The following SNX14 variants were observed in gnomAD, a reference collection of about 807,000 sequenced individuals.
The protein encoded by SNX14 is sorting nexin-14.
A neutral mutation model predicts 133.8 loss-of-function variants in SNX14; 93 were observed. The ratio of observed to expected loss-of-function variants is 0.70; its 90% CI spans 0.59 to 0.83. The LOEUF is 0.83. SNX14 is among the 40% of genes least tolerant of loss of function. SNX14 has a pLI of 0.00. For synonymous variants in SNX14, 368 were observed against 365.6 expected (o/e 1.01, Z -0.07); for missense variants, 945 against 1,094.9 (o/e 0.86, Z 1.93).
chr6:85,571,329 C>T lies in SNX14; in HGVS notation c.417+808G>A, dbSNP rs537198511. 1.2e-4 allele frequency among the ~76,000 whole-genome samples: 17 copies of T among 147,740 alleles called. No individual in the cohort carries two copies. In the South Asian group the frequency reaches 2.3e-3, roughly 20 times the overall value. Reference sequence around the variant, plus strand: ...GAGGTGAGATCGCACCACTGCACTCCGGCCTGGGTGGCAGAGCAAGACTCC... The same window carrying T: ...GAGGTGAGATCGCACCACTGCACTCTGGCCTGGGTGGCAGAGCAAGACTCC... On this transcript the variant is annotated intron_variant, in intron 4 of 28. Coordinates refer to ENST00000314673, the MANE Select transcript of SNX14 (RefSeq NM_153816.6).
intron 2 of SNX14, among the ~76,000 whole-genome samples, chr6:85,573,427 C>T (rs1028586311): frequency 6.6e-6 from 1 of 152,018 alleles, no homozygotes; most frequent in Non-Finnish European, 1.5e-5. Context: ...TTGCAGTGAA[C>T]CAAAATGGCG....
intron 8 of SNX14, among the ~76,000 whole-genome samples, chr6:85,549,496 T>C (rs1340178005): frequency 6.6e-6 from 1 of 152,064 alleles, no homozygotes; most frequent in Non-Finnish European, 1.5e-5. Context: ...CAAGATCAGT[T>C]TTAAAGAAAA....
At chr6:85,590,846 C>T (rs2128247454) in intron 1 of SNX14, among the ~76,000 whole-genome samples, 1 of 152,300 alleles carries the variant, frequency 6.6e-6, no homozygotes, top group East Asian at 1.9e-4. Flanking sequence ...GCAGCAACAG[C>T]TTCATGAATT....
intron 1 of SNX14, among the ~76,000 whole-genome samples, chr6:85,587,886 G>T (rs1482651321): frequency 6.6e-6 from 1 of 152,176 alleles, no homozygotes; most frequent in African/African-American, 2.4e-5. Context: ...CCAATAAAAG[G>T]CCCCTGGCCC....
At chr6:85,583,967 T>C (rs929568528) in intron 1 of SNX14, among the ~76,000 whole-genome samples, 1 of 152,056 alleles carries the variant, frequency 6.6e-6, no homozygotes, top group African/African-American at 2.4e-5. Context: ...AAGAACACAG[T>C]TGGAGGCATC....
chr6:85,543,708 C>T lies in SNX14; in HGVS notation c.1161G>A (p.Leu387=), dbSNP rs1343769325. 2.5e-6 allele frequency: 4 copies of T among 1,585,442 alleles called. No homozygotes were observed. The highest frequency in any genetic ancestry group is 2.7e-5 in the African/African-American group (2 of 74,410). The change falls in exon 13 of 29, where the codon CTG becomes CTA. Residue 387 remains leucine, a synonymous_variant. Transcript: ENST00000314673. ...TCTTCTGCAATTCTTCATGAAGAGA[C>T]AGCATTTCATCATTTGATAATTCTG... The part of the protein sequence containing the change: ...LRPELSNDEM[L]SLHEELQKIY...
Position 85,526,216 on chromosome 6 carries a change from G to A in SNX14, c.2017C>T (p.Leu673=). The A allele has an allele frequency of 1.2e-6, 2 of 1,601,238 alleles. No individual in the cohort carries two copies. The highest frequency in any genetic ancestry group is 1.7e-6 in the Non-Finnish European group (2 of 1,174,892). ...TCTGCCAGAAGTTGACTATTACTCA[G>A]TTCTGGATGCTGCAGAAGTTTCTTG... ...YLQKLLQHPE[L]SNSQLLADFL... The change falls in exon 21 of 29, where the codon CTG becomes TTG. Residue 673 remains leucine, a synonymous_variant. Transcript: ENST00000314673.
At chr6:85,509,135 G>A (rs1771844133) in intron 26 of SNX14, among the ~76,000 whole-genome samples, 1 of 152,136 alleles carries the variant, frequency 6.6e-6, no homozygotes, top group Admixed American at 6.5e-5. Context: ...GAGGAGCAGA[G>A]GATAACACAA....
rs1176156264 is a variant in SNX14, at chr6:85,505,979, T to C, written c.2829A>G (p.Thr943=). 1.2e-6 allele frequency: 2 copies of C among 1,600,952 alleles called. No individual in the cohort carries two copies. Among genetic ancestry groups the C allele is most frequent in the Admixed American group, 3.3e-5 (2 of 59,928 alleles). ...CAAATCCAAGTGTTTACATCCAAGA[T>C]GTCACAGAGGTAACTTCCTTTTGTA... The part of the protein sequence containing the change: ...NKVQKEVTSV[T]SWM The change falls in exon 29 of 29, where the codon ACA becomes ACG. Residue 943 remains threonine, a synonymous_variant. Transcript: ENST00000314673.
Position 85,543,182 on chromosome 6 carries a change from C to T in SNX14, c.1389G>A (p.Glu463=), listed in dbSNP as rs758780349. The change falls in exon 14 of 29, where the codon GAG becomes GAA. Residue 463 remains glutamate, a splice_region_variant and synonymous_variant. Coordinates refer to ENST00000314673, the MANE Select transcript of SNX14 (RefSeq NM_153816.6). ...VFTPMFCHSD[E]YFRQLLRGAE... ...AAACAAGGTTAATATTTTGACTTAC[C>T]TCATCACTATGGCAGAACATAGGAG... 3 of 1,533,320 alleles carry T rather than the reference C, an allele frequency of 2.0e-6. No homozygotes were observed. In the East Asian group the frequency reaches 7.2e-5, roughly 37 times the overall value. The allele number at this position is 1,533,320 out of a possible 1,614,324, so 95.0% of individuals were successfully genotyped here.
At chr6:85,573,651 C>G (rs140139894) in intron 2 of SNX14, among the ~76,000 whole-genome samples, 1 of 152,278 alleles carries the variant, frequency 6.6e-6, no homozygotes, top group African/African-American at 2.4e-5. Flanking sequence ...ATGAAGCACA[C>G]AAACATTTAA....
chr6:85,558,169 G>T, intron 6 of SNX14, 109 bp from the exon 7 acceptor site: 1 of 614,120 alleles, frequency 1.6e-6, no homozygotes, highest in Admixed American at 3.1e-5. Context: ...GAAGTATTCA[G>T]AATCTTTCAA....
chr6:85,546,316 A>G (rs1331196138), intron 12 of SNX14, among the ~76,000 whole-genome samples: 1 of 152,234 alleles, frequency 6.6e-6, no homozygotes, highest in East Asian at 1.9e-4. Flanking sequence ...TTCACTATAT[A>G]AATTATACCT....
chr6:85,509,554 C>G (rs1049408587), intron 26 of SNX14, among the ~76,000 whole-genome samples: 1 of 152,088 alleles, frequency 6.6e-6, no homozygotes, highest in African/African-American at 2.4e-5. Flanking sequence ...GTTTTGTGTT[C>G]ACAATGAAAC....
intron 6 of SNX14, among the ~76,000 whole-genome samples, chr6:85,561,507 A>C (rs1015842968): frequency 6.6e-6 from 1 of 152,230 alleles, no homozygotes; most frequent in Non-Finnish European, 1.5e-5. Flanking sequence ...CAACCAATTG[A>C]TATTTCTTAC....
intron 26 of SNX14, among the ~76,000 whole-genome samples, chr6:85,511,092 A>T (rs1396397791): frequency 1.3e-5 from 2 of 152,144 alleles, no homozygotes; most frequent in East Asian, 3.8e-4. Context: ...TGATTTCTTT[A>T]ATTAAAGTTT....
At chr6:85,519,686 T>C (rs1301671491) in intron 21 of SNX14, among the ~76,000 whole-genome samples, 3 of 151,988 alleles carry the variant, frequency 2.0e-5, no homozygotes, top group African/African-American at 7.3e-5. Flanking sequence ...CTGACCAACA[T>C]GGTGAAACCC....
chr6:85,536,210 A>C (rs1236250564), intron 17 of SNX14, among the ~76,000 whole-genome samples: 1 of 152,226 alleles, frequency 6.6e-6, no homozygotes, highest in African/African-American at 2.4e-5. Flanking sequence ...GTCAATACAC[A>C]AATGAAGGGC....
intron 6 of SNX14, among the ~76,000 whole-genome samples, chr6:85,560,243 A>G (rs1366473700): frequency 6.6e-6 from 1 of 152,256 alleles, no homozygotes; most frequent in African/African-American, 2.4e-5. Flanking sequence ...ATATCCATCA[A>G]CTGATGAATG....
Sources: allele counts gnomAD v4.1 joint callset (sites outside exome capture counted in the v4.1 genomes callset), GRCh38; gene constraint gnomAD v4.1.1; transcripts MANE v1.5; gene names NCBI Gene and HGNC (gene_info 2026-07-23, HGNC 2026-07-21).